The following KLHL13 variants were observed in gnomAD, a reference collection of about 807,000 sequenced individuals.
The protein encoded by KLHL13 is kelch-like protein 13.
In KLHL13, 10 loss-of-function variants were observed where a neutral mutation model predicts 37.1. The ratio of observed to expected loss-of-function variants is 0.27; its 90% CI spans 0.17 to 0.46. The LOEUF is 0.46. Ranked by LOEUF, KLHL13 falls within the 20% of genes least tolerant of loss-of-function variation. The pLI is 1.00. For synonymous variants in KLHL13, 163 were observed against 181.2 expected (o/e 0.90, Z 0.81); for missense variants, 360 against 509.3 (o/e 0.71, Z 2.82).
At chrX:118,031,396 T>C in intron 1 of KLHL13, among the ~76,000 whole-genome samples, 1 of 101,623 alleles carries the variant, frequency 9.8e-6, no homozygotes, top group Non-Finnish European at 2.0e-5. Context: ...GGGATTTAAC[T>C]TTAACTAAAA....
At chrX:118,070,848 T>A (rs1055803588) in intron 1 of KLHL13, among the ~76,000 whole-genome samples, 2 of 110,046 alleles carry the variant, frequency 1.8e-5, no homozygotes, top group African/African-American at 6.6e-5. Context: ...GCTGGTGCAC[T>A]GCACCCACTA....
upstream of KLHL13, among the ~76,000 whole-genome samples, chrX:117,974,602 G>A (rs986053513): frequency 5.4e-5 from 6 of 111,574 alleles, no homozygotes; most frequent in Non-Finnish European, 1.1e-4. Flanking sequence ...AAGAAATACA[G>A]CATGAAATCA....
At chrX:118,040,397 G>A (rs72607608) in intron 1 of KLHL13, among the ~76,000 whole-genome samples, 17,849 of 110,761 alleles carry the variant, frequency 0.16, 1,340 homozygotes, top group East Asian at 0.32. Context: ...CCTATCAGAC[G>A]AGAGCTGAAA....
intron 4 of KLHL13, among the ~76,000 whole-genome samples, chrX:117,911,225 A>T (rs1238480304): frequency 8.9e-6 from 1 of 111,853 alleles, no homozygotes; most frequent in African/African-American, 3.3e-5. Flanking sequence ...TCACACCTGT[A>T]TAGTTAACAG....
chrX:118,050,141 C>A (rs1049678044), intron 1 of KLHL13, among the ~76,000 whole-genome samples: 2 of 111,861 alleles, frequency 1.8e-5, no homozygotes, highest in African/African-American at 6.5e-5. Flanking sequence ...CTGTCTCGGC[C>A]TCCCAAAGTG....
chrX:117,903,157 C>CAG (rs1195961322), intron 5 of KLHL13, among the ~76,000 whole-genome samples: 12 of 100,224 alleles, frequency 1.2e-4, no homozygotes, highest in Middle Eastern at 5.1e-3. Context: ...CACACACACA[C>CAG]AGAGAGAGAG....
chrX:118,095,041 T>A lies in KLHL13; in HGVS notation c.-56+21467A>T, dbSNP rs2055186117. 7.2e-5 allele frequency among the ~76,000 whole-genome samples: 8 copies of A among 111,251 alleles called. No homozygotes were observed. The Admixed American group carries it at 7.7e-4, about 11-fold the overall frequency. On this transcript the variant is annotated intron_variant, in intron 1 of 6. Transcript: ENST00000371882. ...ACAGGATCAAATTCACACATAACAA[T>A]ATTAACCTTAAAGGTAAATGGGCTA...
At chrX:117,967,149 G>T (rs1008107993) in intron 1 of KLHL13, among the ~76,000 whole-genome samples, 3 of 111,462 alleles carry the variant, frequency 2.7e-5, no homozygotes. Context: ...GAAAATTTTT[G>T]CAATCTACTC....
intron 1 of KLHL13, among the ~76,000 whole-genome samples, chrX:118,096,176 T>TAATAAA (rs2055203671): frequency 1.8e-5 from 2 of 111,166 alleles, no homozygotes; most frequent in African/African-American, 6.5e-5. Context: ...ATTGATAGAC[T>TAATAAA]GCTAGCAAGA....
At chrX:118,078,180 T>C (rs886854903) in intron 1 of KLHL13, among the ~76,000 whole-genome samples, 2 of 111,832 alleles carry the variant, frequency 1.8e-5, no homozygotes, top group African/African-American at 6.5e-5. Flanking sequence ...TATTGGCAAG[T>C]TCATATTTCA....
At chrX:118,048,010 G>A (rs150683818) in intron 1 of KLHL13, among the ~76,000 whole-genome samples, 1,536 of 111,139 alleles carry the variant, frequency 0.014, 27 homozygotes, top group African/African-American at 0.047. Flanking sequence ...GTGACAGAGA[G>A]GCAACTGGAG....
chrX:118,108,682 T>C (rs768147346), intron 1 of KLHL13, among the ~76,000 whole-genome samples: 75 of 112,797 alleles, frequency 6.6e-4, no homozygotes, highest in South Asian at 1.5e-3. Context: ...TTAGCAAAAG[T>C]GAACTTCAAA....
intron 1 of KLHL13, among the ~76,000 whole-genome samples, chrX:117,958,184 T>C (rs1569426046): frequency 9.0e-6 from 1 of 111,459 alleles, no homozygotes. Flanking sequence ...AGACCCCCAG[T>C]GGATGTTTGA....
In KLHL13 at chrX:118,038,619, A is replaced by G. The variant is rs1308137928; in HGVS notation, c.-56+77889T>C. On this transcript the variant is annotated intron_variant, in intron 1 of 6. Transcript: ENST00000371882. ...GGGAGCATTTAGACCAGGCCTAGGAAGAGATAAATTGCTTATCCCAATGAT... is the reference window on the plus strand; with the variant it reads ...GGGAGCATTTAGACCAGGCCTAGGAGGAGATAAATTGCTTATCCCAATGAT... Among the ~76,000 whole-genome samples the G allele has an allele frequency of 1.5e-4, 17 of 111,743 alleles. No homozygotes were observed. The Admixed American group carries it at 1.6e-3, about 11-fold the overall frequency.
intron 1 of KLHL13, among the ~76,000 whole-genome samples, chrX:118,098,952 G>T (rs1245612326): frequency 1.7e-5 from 1 of 59,263 alleles, no homozygotes; most frequent in Non-Finnish European, 3.2e-5. Context: ...GGTGGGGGAA[G>T]GGGGGAGGGG....
intron 1 of KLHL13, among the ~76,000 whole-genome samples, chrX:118,040,724 G>A (rs190402452): frequency 9.0e-6 from 1 of 111,452 alleles, no homozygotes; most frequent in Non-Finnish European, 1.9e-5. Context: ...AGAACATCAA[G>A]TAGATTTAGC....
intron 2 of KLHL13, 136 bp downstream of exon 3, chrX:117,945,298 A>C: frequency 3.3e-6 from 2 of 602,428 alleles, no homozygotes; most frequent in Non-Finnish European, 4.9e-6. Context: ...AAACTGAGCA[A>C]AAAATAGTTA....
At chrX:117,977,950 C>T (rs1384428109), upstream of KLHL13, among the ~76,000 whole-genome samples, 7 of 111,999 alleles carry the variant, frequency 6.3e-5, no homozygotes, top group Non-Finnish European at 5.6e-5. Flanking sequence ...TATATTCGTG[C>T]ATGTGTGTCT....
chrX:118,055,252 T>C (rs1354208779), intron 1 of KLHL13, among the ~76,000 whole-genome samples: 2 of 112,181 alleles, frequency 1.8e-5, no homozygotes, highest in Non-Finnish European at 3.8e-5. Flanking sequence ...AACCATCTTA[T>C]GGAACACATT....
Sources: allele counts gnomAD v4.1 joint callset (sites outside exome capture counted in the v4.1 genomes callset), GRCh38; gene constraint gnomAD v4.1.1; transcripts MANE v1.5; gene names NCBI Gene and HGNC (gene_info 2026-07-23, HGNC 2026-07-21).